The following ZC3H7B variants were observed in gnomAD, a reference collection of about 807,000 sequenced individuals.
ZC3H7B encodes zinc finger CCCH-type containing 7B.
Under a neutral mutation model 116.0 loss-of-function variants are expected in ZC3H7B, and 35 were observed. The observed-to-expected ratio is 0.30, with a 90% CI of 0.23 to 0.40. The LOEUF (loss-of-function observed/expected upper bound fraction) is 0.40, where lower values mean the gene tolerates loss of function less well. ZC3H7B is among the 10% of genes least tolerant of loss of function. ZC3H7B has a pLI of 1.00. For missense variants in ZC3H7B, 1,011 were observed against 1,321.5 expected (o/e 0.77, Z 3.64); for synonymous variants, 502 against 545.6 (o/e 0.92, Z 1.11).
chr22:41,307,351 A>C (rs2036057225), intron 1 of ZC3H7B, among the ~76,000 whole-genome samples: 3 of 152,196 alleles, frequency 2.0e-5, no homozygotes, highest in African/African-American at 7.2e-5. Flanking sequence ...CACCAGCTAC[A>C]GATTCCTTCT....
Position 41,349,049 on chromosome 22 carries a change from G to A in ZC3H7B, c.1767-71G>A. ...AGGGAGAGCCTGGCACTGGGAAGGT[G>A]GCCCTACCAGGAGAGAAGGTCAGAG... On this transcript the variant is annotated intron_variant, in intron 15 of 22. Coordinates refer to ENST00000352645, the MANE Select transcript of ZC3H7B (RefSeq NM_017590.6). This position sits in a 1 kb window ranked among gnomAD's most constrained non-coding sequence, Gnocchi z 4.9. 1.3e-6 allele frequency: 2 copies of A among 1,517,070 alleles called. No individual in the cohort carries two copies. The highest frequency in any genetic ancestry group is 9.0e-7 in the Non-Finnish European group (1 of 1,116,206). The allele number at this position is 1,517,070 out of a possible 1,614,324, so 94.0% of individuals were successfully genotyped here. A position where few individuals can be genotyped will look rare whatever the true frequency, so the allele number is the denominator to read the frequency against.
At chr22:41,314,208 G>A (rs1263116617) in intron 1 of ZC3H7B, among the ~76,000 whole-genome samples, 2 of 151,672 alleles carry the variant, frequency 1.3e-5, no homozygotes, top group East Asian at 3.9e-4. Context: ...CCAGGCTGGA[G>A]TGCAGTGTTG....
rs2035978361 is a variant in ZC3H7B, at chr22:41,302,329, G to A, written c.-7+557G>A. On this transcript the variant is annotated intron_variant, in intron 1 of 22. Transcript: ENST00000352645. This position sits in a 1 kb window ranked among gnomAD's most constrained non-coding sequence, Gnocchi z 5.7. ...CCCCTTTCGGCTGCGGCGGCCACGC[G>A]AGCCCGGGGATCCGGGGCCTGCAGC... Among the ~76,000 whole-genome samples the A allele has an allele frequency of 6.6e-6, 1 of 151,804 alleles. No individual in the cohort carries two copies.
At chr22:41,311,443 C>T (rs996863527) in intron 1 of ZC3H7B, among the ~76,000 whole-genome samples, 1 of 152,034 alleles carries the variant, frequency 6.6e-6, no homozygotes, top group African/African-American at 2.4e-5. Flanking sequence ...CCCAATCCAG[C>T]TGAGATGGCA....
In ZC3H7B at chr22:41,339,878, C is replaced by T. The variant is rs1461730974; in HGVS notation, c.879C>T (p.Pro293=). 12 of 1,613,516 alleles carry T rather than the reference C, an allele frequency of 7.4e-6. No homozygotes were observed. Among genetic ancestry groups the T allele is most frequent in the African/African-American group, 4.0e-5 (3 of 74,884 alleles). ...GVPSELPQLI[P]VFPGGTPLLP... ...CTAGTGAGTTGCCCCAGCTGATACC[C>T]GTGTTCCCCGGCGGGACCCCACTGC... The change falls in exon 10 of 23, where the codon CCC becomes CCT. Residue 293 remains proline, a synonymous_variant. Transcript: ENST00000352645.
intron 5 of ZC3H7B, among the ~76,000 whole-genome samples, chr22:41,329,258 CTTTT>C (rs368796113): frequency 7.0e-5 from 8 of 114,750 alleles, no homozygotes; most frequent in Admixed American, 9.6e-5. Flanking sequence ...CAAAACTAAG[CTTTT>C]TTTTTTTTTT....
intron 13 of ZC3H7B, among the ~76,000 whole-genome samples, chr22:41,344,301 C>T (rs1601789855): frequency 6.6e-6 from 1 of 152,198 alleles, no homozygotes; most frequent in African/African-American, 2.4e-5. Flanking sequence ...GAACTTGCTC[C>T]TTGTCCTCCC....
chr22:41,310,037 C>CTACTAAATTTTTTG (rs1398182129), intron 1 of ZC3H7B, among the ~76,000 whole-genome samples: 2 of 151,900 alleles, frequency 1.3e-5, no homozygotes, highest in Non-Finnish European at 2.9e-5. Context: ...AACCCCGTCT[C>CTACTAAATTTTTTG]TACTAAAAAT....
chr22:41,347,921 C>T, intron 14 of ZC3H7B, 146 bp from the exon 15 acceptor site: 1 of 672,988 alleles, frequency 1.5e-6, no homozygotes, highest in Non-Finnish European at 2.6e-6. Context: ...AGACCACAGA[C>T]CCTGGGATTC....
Position 41,349,072 on chromosome 22 carries a change from G to A in ZC3H7B, c.1767-48G>A. 6.3e-7 allele frequency: 1 copy of A among 1,596,408 alleles called. No homozygotes were observed. Among genetic ancestry groups the A allele is most frequent in the Admixed American group, 1.7e-5 (1 of 58,216 alleles). Reference sequence around the variant, plus strand: ...GTGGCCCTACCAGGAGAGAAGGTCAGAGGGGCTGCGGACTGCATCGTGCCC... The same window carrying A: ...GTGGCCCTACCAGGAGAGAAGGTCAAAGGGGCTGCGGACTGCATCGTGCCC... On this transcript the variant is annotated intron_variant, in intron 15 of 22. Coordinates refer to ENST00000352645, the MANE Select transcript of ZC3H7B (RefSeq NM_017590.6). This position sits in a 1 kb window ranked among gnomAD's most constrained non-coding sequence, Gnocchi z 4.9.
chr22:41,338,251 G>T lies in ZC3H7B; in HGVS notation c.583-62G>T. On this transcript the variant is annotated intron_variant, in intron 7 of 22. Transcript: ENST00000352645. This position sits in a 1 kb window ranked among gnomAD's most constrained non-coding sequence, Gnocchi z 4.5. ...AGCATAGTCACGTGGGGAGGGGCTG[G>T]TGCTGGGTGCTGGGATCGGGGCCTT... is the stretch of plus-strand genomic sequence containing the variant. 3 of 1,566,142 alleles carry T rather than the reference G, an allele frequency of 1.9e-6. No homozygotes were observed. The highest frequency in any genetic ancestry group is 2.6e-6 in the Non-Finnish European group (3 of 1,147,064).
At chr22:41,319,142 C>T (rs944312168) in intron 1 of ZC3H7B, among the ~76,000 whole-genome samples, 3 of 152,292 alleles carry the variant, frequency 2.0e-5, no homozygotes, top group Middle Eastern at 3.4e-3. Context: ...TGGCTCACGC[C>T]TGTAATCCCA....
At chr22:41,350,964 C>T (rs1362471895) in intron 16 of ZC3H7B, among the ~76,000 whole-genome samples, 1 of 152,200 alleles carries the variant, frequency 6.6e-6, no homozygotes, top group Non-Finnish European at 1.5e-5. Flanking sequence ...GAAAAGAGGG[C>T]AGGCTTCATG....
At chr22:41,304,027 G>A (rs558445454) in intron 1 of ZC3H7B, among the ~76,000 whole-genome samples, 2 of 152,204 alleles carry the variant, frequency 1.3e-5, no homozygotes, top group South Asian at 4.1e-4. Flanking sequence ...AAAGTGCTGG[G>A]ATTACAGGCG....
intron 11 of ZC3H7B, 78 bp from the exon 12 acceptor site, chr22:41,342,451 A>G (rs778234992): frequency 3.5e-5 from 50 of 1,418,310 alleles, no homozygotes; most frequent in Non-Finnish European, 4.9e-5. Context: ...AGCACTCCCC[A>G]CTTCTGGTGC....
intron 20 of ZC3H7B, 66 bp from the exon 21 acceptor site, chr22:41,356,277 G>A: frequency 6.3e-7 from 1 of 1,599,942 alleles, no homozygotes; most frequent in Non-Finnish European, 8.5e-7. Context: ...AAATCAAGTG[G>A]GGACCATGGG....
rs532875298 is a variant in ZC3H7B, at chr22:41,332,428, G to A, written c.582+201G>A. 4.2e-5 allele frequency: 26 copies of A among 613,550 alleles called. 1 individual carries two copies. In the Middle Eastern group the frequency reaches 2.2e-3, roughly 52 times the overall value. 38.0% of individuals were successfully genotyped at this position (613,550 alleles called of 1,614,324 possible). A position where few individuals can be genotyped will look rare whatever the true frequency, so the allele number is the denominator to read the frequency against. On this transcript the variant is annotated intron_variant, in intron 7 of 22. Transcript: ENST00000352645. Reference sequence around the variant, plus strand: ...AGGGAGTGGTCATTGCCGGGGAGCCGCCGGGGGCAGCCTCACTCTTGAACC... The same window carrying A: ...AGGGAGTGGTCATTGCCGGGGAGCCACCGGGGGCAGCCTCACTCTTGAACC...
intron 11 of ZC3H7B, among the ~76,000 whole-genome samples, chr22:41,341,887 C>T (rs914006092): frequency 1.3e-5 from 2 of 152,034 alleles, no homozygotes; most frequent in African/African-American, 4.8e-5. Flanking sequence ...CATGGTGATA[C>T]CCCGTCTCTA....
Position 41,351,771 on chromosome 22 carries a change from A to G in ZC3H7B, c.2034+125A>G. On this transcript the variant is annotated intron_variant, in intron 17 of 22. Transcript: ENST00000352645. This position sits in a 1 kb window ranked among gnomAD's most constrained non-coding sequence, Gnocchi z 5.1. ...TGGAGGCACCTCGAATAAGTTATGA[A>G]AGTAACTTGGATAATGTACACATTC... 1 of 834,920 alleles carries G rather than the reference A, an allele frequency of 1.2e-6. No individual in the cohort carries two copies. Among genetic ancestry groups the G allele is most frequent in the Non-Finnish European group, 1.9e-6 (1 of 530,310 alleles). The allele number at this position is 834,920 out of a possible 1,614,324, so 51.7% of individuals were successfully genotyped here.
Sources: gnomAD v4.1 joint callset for allele counts (sites outside exome capture counted in the v4.1 genomes callset) on GRCh38, gnomAD v4.1.1 for gene constraint, Gnocchi (gnomAD v3.1) non-coding constraint, MANE v1.5 for transcripts, NCBI Gene and HGNC (gene_info 2026-07-23, HGNC 2026-07-21) for gene names.